HS3ST2: variants seen among roughly 807,000 people sequenced by gnomAD.
HS3ST2 encodes heparan sulfate glucosamine 3-O-sulfotransferase 2.
HS3ST2 carries 17 observed loss-of-function variants against 26.3 expected under a neutral mutation model. That is an observed-to-expected ratio of 0.65 (90% CI 0.44 to 0.97). HS3ST2 has a LOEUF of 0.97. HS3ST2 is among the 50% of genes least tolerant of loss of function. HS3ST2 has a pLI of 0.00. For synonymous variants in HS3ST2, 237 were observed against 219.2 expected (o/e 1.08, Z -0.72); for missense variants, 402 against 501.2 (o/e 0.80, Z 1.89).
At chr16:22,905,455 G>T (rs569949445) in intron 1 of HS3ST2, among the ~76,000 whole-genome samples, 2 of 151,634 alleles carry the variant, frequency 1.3e-5, no homozygotes, top group Non-Finnish European at 2.9e-5. Context: ...TTTGGAAGGG[G>T]CTGCAGGAAG....
At chr16:22,894,163 G>A (rs965131965) in intron 1 of HS3ST2, among the ~76,000 whole-genome samples, 7 of 152,176 alleles carry the variant, frequency 4.6e-5, no homozygotes, top group African/African-American at 9.6e-5. Context: ...GATTGGACTC[G>A]ACACTTTGAC....
intron 1 of HS3ST2, among the ~76,000 whole-genome samples, chr16:22,896,659 C>G (rs1447263487): frequency 6.6e-6 from 1 of 152,214 alleles, no homozygotes; most frequent in Admixed American, 6.5e-5. Flanking sequence ...TTACTGCTGT[C>G]AGCGTAGTTG....
chr16:22,898,389 G>C (rs949484961), intron 1 of HS3ST2, among the ~76,000 whole-genome samples: 1 of 152,198 alleles, frequency 6.6e-6, no homozygotes, highest in South Asian at 2.1e-4. Flanking sequence ...GATAAACAGA[G>C]AGGCAAGATA....
Position 22,915,429 on chromosome 16 carries a change from G to T in HS3ST2, c.971G>T (p.Arg324Leu). The T allele has an allele frequency of 6.2e-7, 1 of 1,613,494 alleles. No homozygotes were observed. The highest frequency in any genetic ancestry group is 2.2e-5 in the East Asian group (1 of 44,864). Reference protein sequence around the residue: ...LKKTESSLLPRCLGKSKGRTH... With the variant: ...LKKTESSLLPLCLGKSKGRTH... ...AAAACAGAATCGAGCCTCCTGCCTC[G>T]ATGCTTGGGCAAATCAAAAGGGAGA... Residue 324 changes from arginine to leucine, a missense_variant, in exon 2 of 2, where the codon CGA becomes CTA. Arg to Leu is a moderately radical substitution (Grantham distance 102). This residue lies in a region of HS3ST2 where 237 missense variants were observed against 346.6 expected (regional missense o/e 0.68). Transcript: ENST00000261374.
chr16:22,915,752 A>T lies in HS3ST2; in HGVS notation c.*190A>T. 1.6e-6 allele frequency: 1 copy of T among 631,626 alleles called. No individual in the cohort carries two copies. The highest frequency in any genetic ancestry group is 2.8e-6 in the Non-Finnish European group (1 of 361,888). 39.1% of individuals were successfully genotyped at this position (631,626 alleles called of 1,614,324 possible). ...CAGAGAGTCCCTGCCACTAGTTTTC[A>T]TCAGTCTGTTCAAGCAAAGTTGATC... is the stretch of plus-strand genomic sequence containing the variant. On this transcript the variant is annotated 3_prime_UTR_variant, in exon 2 of 2. Coordinates refer to ENST00000261374, the MANE Select transcript of HS3ST2 (RefSeq NM_006043.2).
At chr16:22,907,169 T>A (rs550934517) in intron 1 of HS3ST2, among the ~76,000 whole-genome samples, 1 of 152,100 alleles carries the variant, frequency 6.6e-6, no homozygotes, top group African/African-American at 2.4e-5. Flanking sequence ...GCAAAACACA[T>A]ATGAAAGGGC....
chr16:22,842,250 T>C (rs1326019907), intron 1 of HS3ST2, among the ~76,000 whole-genome samples: 2 of 151,824 alleles, frequency 1.3e-5, no homozygotes, highest in African/African-American at 4.8e-5. Flanking sequence ...TTAGCAGAGA[T>C]AGGGTTTTGC....
intron 1 of HS3ST2, among the ~76,000 whole-genome samples, chr16:22,876,826 G>A (rs1901926143): frequency 6.6e-6 from 1 of 152,170 alleles, no homozygotes; most frequent in South Asian, 2.1e-4. Context: ...AGTGGCAGTT[G>A]CAGCAACCTA....
At chr16:22,891,996 C>T (rs1156465319) in intron 1 of HS3ST2, among the ~76,000 whole-genome samples, 3 of 151,792 alleles carry the variant, frequency 2.0e-5, no homozygotes, top group South Asian at 4.1e-4. Flanking sequence ...GCAAGTGGGC[C>T]GGGCGTGATG....
intron 1 of HS3ST2, among the ~76,000 whole-genome samples, chr16:22,897,047 A>T (rs1902220940): frequency 6.6e-6 from 1 of 152,132 alleles, no homozygotes; most frequent in Non-Finnish European, 1.5e-5. Context: ...GAGCTCAAGC[A>T]ATCCAGTCAC....
intron 1 of HS3ST2, among the ~76,000 whole-genome samples, chr16:22,829,565 G>A (rs1162477453): frequency 6.6e-6 from 1 of 152,104 alleles, no homozygotes; most frequent in Non-Finnish European, 1.5e-5. Context: ...ATTCATAACT[G>A]TTATAGAACA....
chr16:22,906,168 C>T (rs1468358504), intron 1 of HS3ST2, among the ~76,000 whole-genome samples: 10 of 151,890 alleles, frequency 6.6e-5, no homozygotes, highest in Non-Finnish European at 1.0e-4. Flanking sequence ...GTGAAGAGAT[C>T]GAGACCATCC....
chr16:22,905,784 T>A (rs910123447), intron 1 of HS3ST2, among the ~76,000 whole-genome samples: 42 of 152,248 alleles, frequency 2.8e-4, no homozygotes, highest in African/African-American at 9.6e-4. Context: ...TAGGTAGTAA[T>A]GAGTGTGCCC....
intron 1 of HS3ST2, among the ~76,000 whole-genome samples, chr16:22,889,641 A>G (rs1416507213): frequency 6.6e-6 from 1 of 152,182 alleles, no homozygotes; most frequent in African/African-American, 2.4e-5. Flanking sequence ...GATAAGGGAT[A>G]CTCAACCTGA....
intron 1 of HS3ST2, among the ~76,000 whole-genome samples, chr16:22,816,013 G>T (rs1466628484): frequency 2.0e-5 from 3 of 152,212 alleles, no homozygotes; most frequent in African/African-American, 7.2e-5. Context: ...ATGCCAGGGA[G>T]GAGAATTATC....
intron 1 of HS3ST2, among the ~76,000 whole-genome samples, chr16:22,826,370 T>C (rs1172011522): frequency 6.6e-6 from 1 of 152,176 alleles, no homozygotes; most frequent in African/African-American, 2.4e-5. Context: ...CTTCTCATCA[T>C]GCATGTCCCA....
At chr16:22,909,074 G>C (rs935840120) in intron 1 of HS3ST2, among the ~76,000 whole-genome samples, 1 of 152,126 alleles carries the variant, frequency 6.6e-6, no homozygotes. Context: ...TCTCTTCCAG[G>C]GTTTTATATC....
chr16:22,878,324 C>A (rs1901945785), intron 1 of HS3ST2, among the ~76,000 whole-genome samples: 1 of 152,136 alleles, frequency 6.6e-6, no homozygotes, highest in African/African-American at 2.4e-5. Context: ...GAAATAAGAA[C>A]AACAAAACCC....
intron 1 of HS3ST2, among the ~76,000 whole-genome samples, chr16:22,816,527 C>G (rs1202681845): frequency 1.3e-5 from 2 of 152,228 alleles, no homozygotes; most frequent in Non-Finnish European, 2.9e-5. Context: ...GACACATAGT[C>G]TGTCCCCATT....
Sources: gnomAD v4.1 joint callset for allele counts (sites outside exome capture counted in the v4.1 genomes callset) on GRCh38, gnomAD v4.1.1 for gene constraint, gnomAD v4.1.1 regional missense constraint, MANE v1.5 for transcripts, NCBI Gene and HGNC (gene_info 2026-07-23, HGNC 2026-07-21) for gene names.